GRB14: variants seen among roughly 807,000 people sequenced by gnomAD.
The protein encoded by GRB14 is growth factor receptor bound protein 14, also known as growth factor receptor-bound protein 14.
A neutral mutation model predicts 69.1 loss-of-function variants in GRB14; 38 were observed. That is an observed-to-expected ratio of 0.55 (90% CI 0.42 to 0.72). The LOEUF (loss-of-function observed/expected upper bound fraction) is 0.72. Ranked by LOEUF, GRB14 falls within the 30% of genes least tolerant of loss-of-function variation. The pLI, the probability that GRB14 is intolerant of heterozygous loss-of-function variation, is 0.00. For missense variants in GRB14, 666 were observed against 666.1 expected (o/e 1.00, Z 0.00); for synonymous variants, 247 against 241.3 (o/e 1.02, Z -0.22).
chr2:164,493,426 C>CTGTT (rs1686811648), intron 13 of GRB14, among the ~76,000 whole-genome samples: 1 of 116,678 alleles, frequency 8.6e-6, no homozygotes, highest in African/African-American at 3.0e-5. Flanking sequence ...TCCCAGCATT[C>CTGTT]TGTTAGTAAA....
At chr2:164,614,222 G>A (rs1367849214) in intron 2 of GRB14, among the ~76,000 whole-genome samples, 2 of 152,198 alleles carry the variant, frequency 1.3e-5, no homozygotes, top group African/African-American at 4.8e-5. Context: ...TGGAAAGATA[G>A]ATTTGTTTGA....
Position 164,573,750 on chromosome 2 carries a change from T to A in GRB14, c.325-25934A>T, listed in dbSNP as rs148293119. The A allele has an allele frequency of 8.1e-6, 13 of 1,609,256 alleles. No individual in the cohort carries two copies. The African/African-American group carries it at 1.7e-4, about 21-fold the overall frequency. On this transcript the variant is annotated intron_variant, in intron 2 of 13. Coordinates refer to ENST00000263915, the MANE Select transcript of GRB14 (RefSeq NM_004490.3). The stretch of plus-strand genomic sequence containing the variant: ...TTTCTTCTCAATATTCATGCCCGTC[T>A]CTTCATATTTGAGACTTTCTGTCGC...
chr2:164,494,377 C>A, intron 13 of GRB14, 54 bp downstream of exon 13: 2 of 928,806 alleles, frequency 2.2e-6, no homozygotes, highest in Non-Finnish European at 3.6e-6. Flanking sequence ...AGATCAAAAG[C>A]TTATGCATTA....
intron 8 of GRB14, 33 bp from the exon 9 acceptor site, chr2:164,502,368 C>T (rs377166199): frequency 1.9e-6 from 2 of 1,060,330 alleles, no homozygotes; most frequent in Middle Eastern, 2.0e-4. Context: ...ACATTCCCAC[C>T]ACTTTTACTA....
chr2:164,619,713 G>A lies in GRB14; in HGVS notation c.298C>T (p.Pro100Ser). 6.3e-7 allele frequency: 1 copy of A among 1,583,076 alleles called. No individual in the cohort carries two copies. Among genetic ancestry groups the A allele is most frequent in the Non-Finnish European group, 8.5e-7 (1 of 1,171,654 alleles). Residue 100 changes from proline (P) to serine (S), a missense_variant, in exon 2 of 14, where the codon CCC becomes TCC. Transcript: ENST00000263915. ...FTSVLSADLF[P>S]KANSRKKQVI... ...TGTTTTTTCCTTGAATTTGCTTTGG[G>A]AAATAGGTCTGCTGACAACACAGAT...
At chr2:164,511,099 A>G (rs1687327171) in intron 6 of GRB14, among the ~76,000 whole-genome samples, 1 of 152,180 alleles carries the variant, frequency 6.6e-6, no homozygotes, top group Non-Finnish European at 1.5e-5. Flanking sequence ...CCATCCCAGC[A>G]GTTGGAACTC....
At chr2:164,564,902 C>T (rs1490585669) in intron 2 of GRB14, among the ~76,000 whole-genome samples, 1 of 152,092 alleles carries the variant, frequency 6.6e-6, no homozygotes, top group Admixed American at 6.6e-5. Context: ...GTAGTCCCAG[C>T]TACTGAGGAG....
At chr2:164,581,286 T>C (rs1281611521) in intron 2 of GRB14, among the ~76,000 whole-genome samples, 2 of 152,176 alleles carry the variant, frequency 1.3e-5, no homozygotes, top group African/African-American at 4.8e-5. Flanking sequence ...TAATCTTACA[T>C]TGTAAAAGGG....
rs1232530421 is a variant in GRB14, at chr2:164,497,433, C to T, written c.1162G>A (p.Val388Ile). Reference sequence around the variant, plus strand: ...AGGGCTTCAGTGGGATTTTCTATAACTCTGCTTTTCTGGCCTGAGAAGTCC... The same window carrying T: ...AGGGCTTCAGTGGGATTTTCTATAATTCTGCTTTTCTGGCCTGAGAAGTCC... ...AMDFSGQKSR[V>I]IENPTEALSV... Residue 388 changes from valine to isoleucine, a missense_variant, in exon 10 of 14, where the codon GTT becomes ATT. Val to Ile is a conservative substitution (Grantham distance 29, BLOSUM62 3). Coordinates refer to ENST00000263915, the MANE Select transcript of GRB14 (RefSeq NM_004490.3). The T allele has an allele frequency of 6.2e-7, 1 of 1,613,810 alleles. No homozygotes were observed. Among genetic ancestry groups the T allele is most frequent in the East Asian group, 2.2e-5 (1 of 44,856 alleles).
At chr2:164,601,129 C>T (rs1333204455) in intron 2 of GRB14, among the ~76,000 whole-genome samples, 1 of 152,052 alleles carries the variant, frequency 6.6e-6, no homozygotes, top group Non-Finnish European at 1.5e-5. Flanking sequence ...TTTTAACACC[C>T]CAGAGTACAG....
At chr2:164,551,991 C>T (rs771399040) in intron 2 of GRB14, among the ~76,000 whole-genome samples, 4 of 152,072 alleles carry the variant, frequency 2.6e-5, no homozygotes, top group East Asian at 1.9e-4. Flanking sequence ...GAAGACAAAG[C>T]GGGAGCAGGG....
chr2:164,580,313 G>A (rs919563033), intron 2 of GRB14, among the ~76,000 whole-genome samples: 6 of 151,808 alleles, frequency 4.0e-5, no homozygotes, highest in Non-Finnish European at 7.4e-5. Context: ...GGCTGGTCTC[G>A]AACTCCTGAC....
chr2:164,549,003 G>A (rs1688457623), intron 2 of GRB14, among the ~76,000 whole-genome samples: 1 of 152,022 alleles, frequency 6.6e-6, no homozygotes, highest in African/African-American at 2.4e-5. Context: ...TCAGCCTCCT[G>A]AGTAGCTGGG....
chr2:164,579,501 G>GCGCGCACGCACA lies in GRB14; in HGVS notation c.325-31686_325-31685insTGTGCGTGCGCG, dbSNP rs71393628. ...CCTCATTTTATTACAGGGCACACTT[G>GCGCGCACGCACA]CACACACACACACACACACACACAC... On this transcript the variant is annotated intron_variant, in intron 2 of 13. Coordinates refer to ENST00000263915, the MANE Select transcript of GRB14 (RefSeq NM_004490.3). 5.0e-4 allele frequency among the ~76,000 whole-genome samples: 73 copies of GCGCGCACGCACA among 145,106 alleles called. 1 individual carries two copies. Among genetic ancestry groups the GCGCGCACGCACA allele is most frequent in the African/African-American group, 1.8e-3 (70 of 37,948 alleles).
intron 2 of GRB14, among the ~76,000 whole-genome samples, chr2:164,604,926 T>A (rs751173552): frequency 1.6e-4 from 25 of 152,210 alleles, no homozygotes; most frequent in Non-Finnish European, 2.6e-4. Context: ...GAAAATGTTT[T>A]GAAACTAGAC....
chr2:164,513,151 T>TTC (rs1025742926), intron 6 of GRB14, among the ~76,000 whole-genome samples: 2 of 152,228 alleles, frequency 1.3e-5, no homozygotes, highest in African/African-American at 4.8e-5. Context: ...CTTTGCCTTC[T>TTC]TCCCTTCAGT....
At chr2:164,518,984 A>G (rs932424634) in intron 6 of GRB14, among the ~76,000 whole-genome samples, 13 of 152,152 alleles carry the variant, frequency 8.5e-5, no homozygotes, top group Non-Finnish European at 4.4e-5. Context: ...CTATTCCACA[A>G]GACAGAAAAA....
intron 2 of GRB14, among the ~76,000 whole-genome samples, chr2:164,571,870 T>C (rs1331832847): frequency 6.6e-6 from 1 of 152,246 alleles, no homozygotes; most frequent in African/African-American, 2.4e-5. Context: ...CTCTACAACA[T>C]GTGTTTCCAC....
intron 4 of GRB14, among the ~76,000 whole-genome samples, chr2:164,525,686 C>A (rs1453125740): frequency 3.3e-5 from 5 of 152,044 alleles, no homozygotes; most frequent in Non-Finnish European, 7.4e-5. Context: ...AATAAGCACT[C>A]TCCCCTCAGT....
Sources: gnomAD v4.1 joint callset for allele counts (sites outside exome capture counted in the v4.1 genomes callset) on GRCh38, gnomAD v4.1.1 for gene constraint, MANE v1.5 for transcripts, NCBI Gene and HGNC (gene_info 2026-07-23, HGNC 2026-07-21) for gene names.